The following CACNG4 variants were observed in gnomAD, a reference collection of about 807,000 sequenced individuals.
CACNG4 encodes the protein voltage-dependent calcium channel gamma-4 subunit.
CACNG4 carries 8 observed loss-of-function variants against 22.9 expected under a neutral mutation model. The ratio of observed to expected loss-of-function variants is 0.35; its 90% CI spans 0.21 to 0.63. The LOEUF is 0.63. Ranked by LOEUF, CACNG4 falls within the 30% of genes least tolerant of loss-of-function variation. The probability of loss-of-function intolerance (pLI) is 0.72; values close to 1 mark genes in which losing one functional copy is unlikely to be tolerated. For synonymous variants in CACNG4, 188 were observed against 191.9 expected (o/e 0.98, Z 0.17); for missense variants, 357 against 455.4 (o/e 0.78, Z 1.97).
At chr17:67,005,915 G>A (rs1197603799) in intron 1 of CACNG4, among the ~76,000 whole-genome samples, 1 of 152,178 alleles carries the variant, frequency 6.6e-6, no homozygotes, top group African/African-American at 2.4e-5. Flanking sequence ...CTGAAACAGT[G>A]CAGCTCACGG....
At chr17:66,983,187 A>C (rs1485207237) in intron 1 of CACNG4, among the ~76,000 whole-genome samples, 1 of 152,088 alleles carries the variant, frequency 6.6e-6, no homozygotes. Context: ...TCCTCCTCAC[A>C]ATGCAGCATG....
Position 67,022,076 on chromosome 17 carries a change from C to CTTT in CACNG4, c.305-2769_305-2767dup, listed in dbSNP as rs58541858. On this transcript the variant is annotated intron_variant, in intron 2 of 3. Coordinates refer to ENST00000262138, the MANE Select transcript of CACNG4 (RefSeq NM_014405.4). ...ATCCAGTGATCTTAGAGCAACTGGGCTTTTTTTTTTTTTTTTTAAGACGGA... is the reference window on the plus strand; with the variant it reads ...ATCCAGTGATCTTAGAGCAACTGGGCTTTTTTTTTTTTTTTTTTTTAAGACGGA... 1.7e-3 allele frequency among the ~76,000 whole-genome samples: 234 copies of CTTT among 137,008 alleles called. 1 individual carries two copies. Among genetic ancestry groups the CTTT allele is most frequent in the Middle Eastern group, 7.6e-3 (2 of 262 alleles). 89.9% of individuals were successfully genotyped at this position (137,008 alleles called of 152,430 possible). A position where few individuals can be genotyped will look rare whatever the true frequency, so the allele number is the denominator to read the frequency against.
intron 1 of CACNG4, among the ~76,000 whole-genome samples, chr17:66,965,505 G>T (rs1159648483): frequency 6.6e-6 from 1 of 151,344 alleles, no homozygotes; most frequent in Non-Finnish European, 1.5e-5. Flanking sequence ...CGGCACCCCC[G>T]GGGGAGGTGG....
intron 1 of CACNG4, among the ~76,000 whole-genome samples, chr17:66,982,982 G>A (rs2035285746): frequency 6.6e-6 from 1 of 152,224 alleles, no homozygotes; most frequent in South Asian, 2.1e-4. Context: ...CCATGGTGTA[G>A]ATGCAGAAAC....
At chr17:66,980,730 T>C (rs2035266979) in intron 1 of CACNG4, among the ~76,000 whole-genome samples, 1 of 148,386 alleles carries the variant, frequency 6.7e-6, no homozygotes, top group South Asian at 2.1e-4. Flanking sequence ...GCAATTCTCC[T>C]GCCTCAGCCT....
chr17:67,011,834 C>G (rs1392283843), intron 1 of CACNG4, among the ~76,000 whole-genome samples: 2 of 152,100 alleles, frequency 1.3e-5, no homozygotes, highest in East Asian at 3.9e-4. Flanking sequence ...GTCGTCCCCT[C>G]CTAGATCCTA....
At chr17:66,974,002 T>G (rs1218043825) in intron 1 of CACNG4, among the ~76,000 whole-genome samples, 1 of 152,220 alleles carries the variant, frequency 6.6e-6, no homozygotes, top group Admixed American at 6.5e-5. Flanking sequence ...GAAAAACTTT[T>G]CAAAGCTGTG....
chr17:67,025,084 G>T, intron 3 of CACNG4, 84 bp downstream of exon 3: 1 of 1,340,960 alleles, frequency 7.5e-7, no homozygotes, highest in Non-Finnish European at 9.9e-7. Flanking sequence ...CTGCCAGGCA[G>T]TGTGCATCCT....
At chr17:66,973,640 C>T (rs1234533567) in intron 1 of CACNG4, among the ~76,000 whole-genome samples, 2 of 152,188 alleles carry the variant, frequency 1.3e-5, no homozygotes, top group African/African-American at 2.4e-5. Flanking sequence ...AACTCCCTCC[C>T]GTGGTGTCTG....
At chr17:66,979,465 C>A (rs1233046306) in intron 1 of CACNG4, among the ~76,000 whole-genome samples, 1 of 152,136 alleles carries the variant, frequency 6.6e-6, no homozygotes, top group Middle Eastern at 3.2e-3. Context: ...GATGTGGAAC[C>A]TTTGAAGATC....
At chr17:66,998,794 C>G (rs1229124229) in intron 1 of CACNG4, among the ~76,000 whole-genome samples, 1 of 152,226 alleles carries the variant, frequency 6.6e-6, no homozygotes. Context: ...TCCTCACCCC[C>G]ACCCTGCCTT....
In CACNG4 at chr17:67,013,829, A is replaced by G. The variant is rs1335849304; in HGVS notation, c.221-4360A>G. Among the ~76,000 whole-genome samples the G allele has an allele frequency of 1.4e-4, 21 of 151,952 alleles. 1 individual carries two copies. The highest frequency in any genetic ancestry group is 1.4e-3 in the Admixed American group (21 of 15,258). On this transcript the variant is annotated intron_variant, in intron 1 of 3. Transcript: ENST00000262138. ...AAAAAAAAAAAAGAAATATTCTTTTAATGAAAGTGTCCCCTGATATGTGCA... is the reference window on the plus strand; with the variant it reads ...AAAAAAAAAAAAGAAATATTCTTTTGATGAAAGTGTCCCCTGATATGTGCA...
At chr17:67,004,489 C>T (rs1309144492) in intron 1 of CACNG4, among the ~76,000 whole-genome samples, 1 of 152,080 alleles carries the variant, frequency 6.6e-6, no homozygotes, top group African/African-American at 2.4e-5. Flanking sequence ...TCCTCATCCC[C>T]GATACAACAT....
At position 67,031,870 on chromosome 17, in the gene CACNG4, G is replaced by A. The variant is rs1055958103; in HGVS notation, c.*866G>A. ...GGAGCAACTCTGTCCCCTGAGCGTT[G>A]GGGGTCCCGGGGGAGAGGTGGACAG... On this transcript the variant is annotated 3_prime_UTR_variant, in exon 4 of 4. Transcript: ENST00000262138. The surrounding 1 kb of genome is among the most constrained non-coding windows in gnomAD (Gnocchi z 4.0). The A allele has an allele frequency of 1.8e-5, 8 of 456,510 alleles. No individual in the cohort carries two copies. The highest frequency in any genetic ancestry group is 1.4e-4 in the African/African-American group (7 of 50,006). The allele number at this position is 456,510 out of a possible 1,614,324, so 28.3% of individuals were successfully genotyped here. A position where few individuals can be genotyped will look rare whatever the true frequency, so the allele number is the denominator to read the frequency against.
chr17:66,992,508 C>T (rs2035347164), intron 1 of CACNG4, among the ~76,000 whole-genome samples: 1 of 152,234 alleles, frequency 6.6e-6, no homozygotes, highest in African/African-American at 2.4e-5. Context: ...AGCACACCCA[C>T]CTTTCTAGAA....
chr17:66,978,545 G>A (rs2035251968), intron 1 of CACNG4, among the ~76,000 whole-genome samples: 1 of 152,158 alleles, frequency 6.6e-6, no homozygotes. Flanking sequence ...GGACATTTCA[G>A]GACACCCAGG....
At chr17:66,967,494 C>A (rs989981912) in intron 1 of CACNG4, among the ~76,000 whole-genome samples, 12 of 152,190 alleles carry the variant, frequency 7.9e-5, no homozygotes, top group Admixed American at 7.9e-4. Flanking sequence ...TCACCTCCTA[C>A]GATGCCTCCA....
intron 1 of CACNG4, among the ~76,000 whole-genome samples, chr17:66,987,369 T>C (rs1193485409): frequency 3.9e-5 from 6 of 152,218 alleles, no homozygotes; most frequent in African/African-American, 1.4e-4. Flanking sequence ...CATGTGAGAA[T>C]TCACAGAACT....
At chr17:66,965,870 C>CA (rs1164702598) in intron 1 of CACNG4, among the ~76,000 whole-genome samples, 7 of 152,138 alleles carry the variant, frequency 4.6e-5, no homozygotes, top group African/African-American at 1.7e-4. Flanking sequence ...AGGGGAGCGA[C>CA]ACCGAGTCTC....
Sources: gnomAD v4.1 joint callset for allele counts (sites outside exome capture counted in the v4.1 genomes callset) on GRCh38, gnomAD v4.1.1 for gene constraint, Gnocchi (gnomAD v3.1) non-coding constraint, MANE v1.5 for transcripts, NCBI Gene and HGNC (gene_info 2026-07-23, HGNC 2026-07-21) for gene names.